VPS13B: variants seen among roughly 807,000 people sequenced by gnomAD.
VPS13B encodes the protein intermembrane lipid transfer protein VPS13B.
In VPS13B, 285 loss-of-function variants were observed where a neutral mutation model predicts 426.4. That is an observed-to-expected ratio of 0.67 (90% CI 0.61 to 0.74). The LOEUF is 0.74. Among genes scored for constraint, VPS13B ranks in the 30% least tolerant of loss-of-function variants. The pLI, the probability that VPS13B is intolerant of heterozygous loss-of-function variation, is 0.00. For missense variants in VPS13B, 4,537 were observed against 4,782.6 expected (o/e 0.95, Z 1.51); for synonymous variants, 1,676 against 1,676.4 (o/e 1.00, Z 0.01).
At chr8:99,483,287 T>C (rs1186763668) in intron 25 of VPS13B, among the ~76,000 whole-genome samples, 2 of 152,136 alleles carry the variant, frequency 1.3e-5, no homozygotes, top group Non-Finnish European at 2.9e-5. Context: ...TTTTTCTTTT[T>C]TCTTCCCAAA....
intron 39 of VPS13B, among the ~76,000 whole-genome samples, chr8:99,737,508 C>T (rs937119547): frequency 6.6e-6 from 1 of 152,096 alleles, no homozygotes; most frequent in Admixed American, 6.5e-5. Flanking sequence ...GTTTTCCATC[C>T]AAATTCTATA....
chr8:99,134,890 T>G (rs1588075265), intron 9 of VPS13B, 125 bp from the exon 10 acceptor site: 2 of 1,267,106 alleles, frequency 1.6e-6, no homozygotes, highest in Non-Finnish European at 2.2e-6. Context: ...ATAAATAGTA[T>G]AGAATAAATT....
chr8:99,130,815 C>T (rs910689484), intron 8 of VPS13B, among the ~76,000 whole-genome samples: 2 of 152,096 alleles, frequency 1.3e-5, no homozygotes, highest in East Asian at 3.8e-4. Flanking sequence ...AAAATAGCTA[C>T]ATTGTATATA....
intron 3 of VPS13B, among the ~76,000 whole-genome samples, chr8:99,061,227 G>A (rs923166547): frequency 6.7e-6 from 1 of 149,306 alleles, no homozygotes; most frequent in Non-Finnish European, 1.5e-5. Context: ...TGCTCTGGAG[G>A]TTCCTTTTGA....
chr8:99,303,295 GAGA>G, intron 19 of VPS13B, among the ~76,000 whole-genome samples: 1 of 142,948 alleles, frequency 7.0e-6, no homozygotes, highest in Admixed American at 7.0e-5. Flanking sequence ...ACAACTAGTT[GAGA>G]AGGAGAACTG....
rs1458677528 is a variant in VPS13B, at chr8:99,871,535, G to A, written c.11583G>A (p.Gly3861=). The A allele has an allele frequency of 6.2e-7, 1 of 1,614,226 alleles. No individual in the cohort carries two copies. The change falls in exon 61 of 62, where the codon GGG becomes GGA. Residue 3861 remains glycine, a synonymous_variant. Transcript: ENST00000357162. The part of the protein sequence containing the change: ...LVRGSGQEHE[G]CLLLTSEVLF... Reference sequence around the variant, plus strand: ...GGGGCTCAGGCCAGGAGCATGAAGGGTGCTTGCTGCTGACATCAGAAGTGC... The same window carrying A: ...GGGGCTCAGGCCAGGAGCATGAAGGATGCTTGCTGCTGACATCAGAAGTGC...
intron 4 of VPS13B, among the ~76,000 whole-genome samples, chr8:99,097,368 G>A (rs186271085): frequency 6.6e-6 from 1 of 152,252 alleles, no homozygotes; most frequent in Non-Finnish European, 1.5e-5. Flanking sequence ...GTTTAGTGGA[G>A]ACAGGCTGTT....
chr8:99,722,768 A>G (rs1344951955), intron 39 of VPS13B, among the ~76,000 whole-genome samples: 3 of 152,082 alleles, frequency 2.0e-5, no homozygotes, highest in Non-Finnish European at 4.4e-5. Context: ...CGGCCTCCCA[A>G]AGTGCTGGGA....
At chr8:99,712,663 G>T (rs1832750759) in intron 36 of VPS13B, among the ~76,000 whole-genome samples, 2 of 150,818 alleles carry the variant, frequency 1.3e-5, no homozygotes, top group Non-Finnish European at 2.9e-5. Flanking sequence ...GTGATCATTG[G>T]CTTCCTAATT....
At chr8:99,730,909 T>C (rs558167534) in intron 39 of VPS13B, among the ~76,000 whole-genome samples, 1 of 152,212 alleles carries the variant, frequency 6.6e-6, no homozygotes, top group South Asian at 2.1e-4. Flanking sequence ...TCTGCCTTTT[T>C]AAACGAAGCT....
intron 17 of VPS13B, among the ~76,000 whole-genome samples, chr8:99,196,038 G>T (rs1813899427): frequency 6.6e-6 from 1 of 151,966 alleles, no homozygotes; most frequent in Non-Finnish European, 1.5e-5. Context: ...GTTCTTTGAG[G>T]TCTTTTATTC....
At chr8:99,363,972 A>G (rs1319170990) in intron 19 of VPS13B, among the ~76,000 whole-genome samples, 1 of 152,060 alleles carries the variant, frequency 6.6e-6, no homozygotes, top group Non-Finnish European at 1.5e-5. Context: ...CCCTTGTCTA[A>G]TTGCTCAGCT....
intron 2 of VPS13B, among the ~76,000 whole-genome samples, chr8:99,036,440 G>C (rs1047589770): frequency 1.3e-5 from 2 of 151,988 alleles, no homozygotes; most frequent in African/African-American, 4.8e-5. Context: ...TCCTTTTTTG[G>C]TTATCTTAAG....
intron 29 of VPS13B, among the ~76,000 whole-genome samples, chr8:99,514,544 TTG>T (rs1821957504): frequency 6.6e-6 from 1 of 152,210 alleles, no homozygotes; most frequent in African/African-American, 2.4e-5. Context: ...GTTTATCCTT[TTG>T]TGTCTGTCTT....
At chr8:99,240,314 T>A (rs181801336) in intron 17 of VPS13B, among the ~76,000 whole-genome samples, 1 of 152,354 alleles carries the variant, frequency 6.6e-6, no homozygotes, top group African/African-American at 2.4e-5. Flanking sequence ...GTGATCATGA[T>A]CATGTCTTAC....
At chr8:99,343,662 A>G (rs1811373707) in intron 19 of VPS13B, among the ~76,000 whole-genome samples, 1 of 152,234 alleles carries the variant, frequency 6.6e-6, no homozygotes, top group South Asian at 2.1e-4. Context: ...CTATCCGAAA[A>G]GGAAATTAAG....
rs183024278 is a variant in VPS13B, at chr8:99,136,114, T to C, written c.1563+381T>C. ...ATGTAAGAATATATTAATATGTTTA[T>C]GGAATATTAATACATTTATGAAATC... On this transcript the variant is annotated intron_variant, in intron 11 of 61. Coordinates refer to ENST00000357162, the MANE Select transcript of VPS13B (RefSeq NM_152564.5). Among the ~76,000 whole-genome samples the C allele has an allele frequency of 5.4e-3, 822 of 152,132 alleles. 6 individuals are homozygous for C. Among genetic ancestry groups the C allele is most frequent in the Non-Finnish European group, 6.4e-3 (437 of 67,902 alleles).
At chr8:99,087,622 T>G (rs533384027) in intron 3 of VPS13B, among the ~76,000 whole-genome samples, 24 of 151,490 alleles carry the variant, frequency 1.6e-4, no homozygotes, top group African/African-American at 4.9e-4. Context: ...TTTGTTTTTT[T>G]TTTTTTTTAT....
At chr8:99,034,414 G>A (rs199587105) in intron 2 of VPS13B, among the ~76,000 whole-genome samples, 4 of 144,590 alleles carry the variant, frequency 2.8e-5, no homozygotes, top group Non-Finnish European at 4.5e-5. Context: ...TTATAAGTCT[G>A]TTTTTTTTTT....
Sources: gnomAD v4.1 joint callset for allele counts (sites outside exome capture counted in the v4.1 genomes callset) on GRCh38, gnomAD v4.1.1 for gene constraint, MANE v1.5 for transcripts, NCBI Gene and HGNC (gene_info 2026-07-23, HGNC 2026-07-21) for gene names.